Variants in ARHGEF39 observed in about 807,000 individuals in gnomAD.
The protein encoded by ARHGEF39 is Rho guanine nucleotide exchange factor 39.
ARHGEF39 carries 45 observed loss-of-function variants against 47.5 expected under a neutral mutation model. The observed-to-expected ratio is 0.95, with a 90% confidence interval of 0.75 to 1.22. ARHGEF39 has a LOEUF of 1.22. Among genes scored for constraint, ARHGEF39 ranks in the 50% most tolerant of loss-of-function variants. ARHGEF39 has a pLI of 0.00. For missense variants in ARHGEF39, 411 were observed against 425.3 expected (o/e 0.97, Z 0.30); for synonymous variants, 164 against 167.8 (o/e 0.98, Z 0.17).
In ARHGEF39 at chr9:35,661,446, A is replaced by C; in HGVS notation, c.*541T>G. On this transcript the variant is annotated 3_prime_UTR_variant, in exon 9 of 9. Coordinates refer to ENST00000378387, the MANE Select transcript of ARHGEF39 (RefSeq NM_032818.3). Reference sequence around the variant, plus strand: ...AGACAGAAGGGTCTTTCCCAAAAAAAAGAAAAAAAACTTTACTCAAATCCA... The same window carrying C: ...AGACAGAAGGGTCTTTCCCAAAAAACAGAAAAAAAACTTTACTCAAATCCA... 2.1e-6 allele frequency: 1 copy of C among 465,630 alleles called. No homozygotes were observed. Among genetic ancestry groups the C allele is most frequent in the East Asian group, 3.3e-5 (1 of 30,636 alleles). 28.8% of individuals were successfully genotyped at this position (465,630 alleles called of 1,614,324 possible).
chr9:35,664,807 G>A lies in ARHGEF39; in HGVS notation c.182C>T (p.Pro61Leu). Reference sequence around the variant, plus strand: ...GGAGCCAAACAGGGCCTGGCGCTCAGGTGGTCGCAGGGTCCCCTTGGCTTT... The same window carrying A: ...GGAGCCAAACAGGGCCTGGCGCTCAAGTGGTCGCAGGGTCCCCTTGGCTTT... ...ILKAKGTLRP[P>L]ERQALFGSWE... is the part of the protein sequence containing the mutation. The change falls in exon 2 of 9, where the codon CCT becomes CTT. Residue 61 changes from proline (P) to leucine (L), a missense_variant. Pro to Leu is a moderately conservative substitution (Grantham distance 98, BLOSUM62 -3). Coordinates refer to ENST00000378387, the MANE Select transcript of ARHGEF39 (RefSeq NM_032818.3). 1.9e-6 allele frequency: 3 copies of A among 1,612,122 alleles called. No homozygotes were observed. Among genetic ancestry groups the A allele is most frequent in the Non-Finnish European group, 2.5e-6 (3 of 1,180,016 alleles).
chr9:35,661,170 CAA>C lies in ARHGEF39; in HGVS notation c.*815_*816del, dbSNP rs1823924369. 1.2e-6 allele frequency: 2 copies of C among 1,600,988 alleles called. No homozygotes were observed. Among genetic ancestry groups the C allele is most frequent in the East Asian group, 2.2e-5 (1 of 44,720 alleles). On this transcript the variant is annotated 3_prime_UTR_variant, in exon 9 of 9. Coordinates refer to ENST00000378387, the MANE Select transcript of ARHGEF39 (RefSeq NM_032818.3). ...GACGACAGCTGAAGGTCGACTAAAACAAAGTCTGTTTTCATGATGGAGTGCTC... is the reference window on the plus strand; with the variant it reads ...GACGACAGCTGAAGGTCGACTAAAACAGTCTGTTTTCATGATGGAGTGCTC...
intron 4 of ARHGEF39, 102 bp downstream of exon 4, chr9:35,663,906 G>A: frequency 1.6e-6 from 2 of 1,263,250 alleles, no homozygotes; most frequent in South Asian, 1.2e-5. Flanking sequence ...GCTCAGGGTC[G>A]AGGCAAGAGT....
At position 35,661,246 on chromosome 9, in the gene ARHGEF39, C is replaced by T. The variant is rs35234337; in HGVS notation, c.*741G>A. ...TGGTTGTACACACCCATACTAGGTG[C>T]CTAAGGACAACTGGGCCTTCTTGAA... On this transcript the variant is annotated 3_prime_UTR_variant, in exon 9 of 9. Coordinates refer to ENST00000378387, the MANE Select transcript of ARHGEF39 (RefSeq NM_032818.3). 0.23 allele frequency: 292,873 copies of T among 1,266,844 alleles called. 36,049 individuals carry two copies. The highest frequency in any genetic ancestry group is 0.26 in the Middle Eastern group (1,278 of 4,992). 78.5% of individuals were successfully genotyped at this position (1,266,844 alleles called of 1,614,324 possible).
chr9:35,663,130 G>A, intron 5 of ARHGEF39, 56 bp from the exon 6 acceptor site: 2 of 1,606,808 alleles, frequency 1.2e-6, no homozygotes. Flanking sequence ...GGGTGCCATG[G>A]TTGTGAAAGA....
Position 35,663,016 on chromosome 9 carries a change from C to A in ARHGEF39, c.603G>T (p.Gln201His), listed in dbSNP as rs370873323. Residue 201 changes from glutamine to histidine, a missense_variant, in exon 6 of 9, where the codon CAG (glutamine) becomes CAT (histidine). By Grantham distance (24) the Gln-to-His change is conservative. Coordinates refer to ENST00000378387, the MANE Select transcript of ARHGEF39 (RefSeq NM_032818.3). ...CACGCCGAAGGTGCTGGTCATTCTT[C>A]TGTTTCTGACCAATAGTATGGACTC... ...AQRVHTIGQK[Q>H]KNDQHLRRVQ... 19 of 1,611,112 alleles carry A rather than the reference C, an allele frequency of 1.2e-5. No individual in the cohort carries two copies. Among genetic ancestry groups the A allele is most frequent in the Non-Finnish European group, 1.6e-5 (19 of 1,177,718 alleles).
Position 35,661,056 on chromosome 9 carries a change from A to G in ARHGEF39, c.*931T>C, listed in dbSNP as rs746904340. ...GAGCACAGAGACATGGAACCTAGCT[A>G]CTTCCTGGGAGGTGGGGCGGGGACT... On this transcript the variant is annotated 3_prime_UTR_variant, in exon 9 of 9. Transcript: ENST00000378387. The G allele has an allele frequency of 1.2e-6, 2 of 1,614,032 alleles. No homozygotes were observed. The highest frequency in any genetic ancestry group is 1.7e-6 in the Non-Finnish European group (2 of 1,180,024).
chr9:35,662,743 T>C lies in ARHGEF39; in HGVS notation c.674-2A>G, dbSNP rs1322019486. 2 of 1,555,218 alleles carry C rather than the reference T, an allele frequency of 1.3e-6. No individual in the cohort carries two copies. Among genetic ancestry groups the C allele is most frequent in the Non-Finnish European group, 1.7e-6 (2 of 1,149,310 alleles). ...AGCCCTGGCGTAGGAACCAGCGCCC[T>C]GGGGGATGGGAGCGCTGTTATTCTG... On this transcript the variant is annotated splice_acceptor_variant, in intron 6 of 8. Transcript: ENST00000378387. LOFTEE classifies it high-confidence loss of function.
rs538623171 is a variant in ARHGEF39 at position 35,664,820 on chromosome 9, T to C, written c.169A>G (p.Thr57Ala). 185 of 1,611,150 alleles carry C rather than the reference T, an allele frequency of 1.1e-4. 3 individuals carry two copies. In the South Asian group the frequency reaches 1.8e-3, roughly 16 times the overall value. The change falls in exon 2 of 9, where the codon ACC becomes GCC. Residue 57 changes from threonine to alanine, a missense_variant. Physicochemically the swap from Thr to Ala is moderately conservative, Grantham distance 58. Transcript: ENST00000378387. ...YFLGILKAKG[T>A]LRPPERQALF... The stretch of plus-strand genomic sequence containing the variant: ...GCCTGGCGCTCAGGTGGTCGCAGGG[T>C]CCCCTTGGCTTTCAGGATCCCCAAA...
rs1450131149 is a variant in ARHGEF39, at chr9:35,660,381, C to T, written c.*1606G>A. On this transcript the variant is annotated 3_prime_UTR_variant, in exon 9 of 9. Coordinates refer to ENST00000378387, the MANE Select transcript of ARHGEF39 (RefSeq NM_032818.3). ...AGAACCTTGTTGCTTCAGTACTGCC[C>T]TTTCCTTCTTCCACAACAGGGGAAA... 6.3e-7 allele frequency: 1 copy of T among 1,578,316 alleles called. No homozygotes were observed. Among genetic ancestry groups the T allele is most frequent in the Non-Finnish European group, 8.6e-7 (1 of 1,163,134 alleles).
chr9:35,662,474 G>A, intron 7 of ARHGEF39, 38 bp downstream of exon 7: 2 of 1,578,052 alleles, frequency 1.3e-6, no homozygotes. Context: ...AAGCATCTGA[G>A]ACATATTTTG....
chr9:35,664,652 A>C, intron 2 of ARHGEF39, 104 bp downstream of exon 2: 3 of 1,478,158 alleles, frequency 2.0e-6, no homozygotes, highest in Non-Finnish European at 2.7e-6. Context: ...CAGGTGAGCT[A>C]ACTGGCGGAC....
In ARHGEF39 at chr9:35,661,296, G is replaced by A. The variant is rs1823934671; in HGVS notation, c.*691C>T. Reference sequence around the variant, plus strand: ...AGAGCTGTCCTTATTAGGACAAAAAGAGGCTGCCTTCCAGTGTGACAGCAG... The same window carrying A: ...AGAGCTGTCCTTATTAGGACAAAAAAAGGCTGCCTTCCAGTGTGACAGCAG... On this transcript the variant is annotated 3_prime_UTR_variant, in exon 9 of 9. Transcript: ENST00000378387. 5.4e-6 allele frequency: 4 copies of A among 743,732 alleles called. No individual in the cohort carries two copies. In the East Asian group the frequency reaches 8.1e-5, roughly 15 times the overall value. 46.1% of individuals were successfully genotyped at this position (743,732 alleles called of 1,614,324 possible). A position where few individuals can be genotyped will look rare whatever the true frequency, so the allele number is the denominator to read the frequency against.
chr9:35,665,151 CG>C lies in ARHGEF39; in HGVS notation c.18del (p.Gly7ValfsTer25). 2 of 1,537,946 alleles carry C rather than the reference CG, an allele frequency of 1.3e-6. No homozygotes were observed. Among genetic ancestry groups the C allele is most frequent in the Admixed American group, 2.0e-5 (1 of 50,090 alleles). On this transcript the variant is annotated frameshift_variant, in exon 1 of 9. Coordinates refer to ENST00000378387, the MANE Select transcript of ARHGEF39 (RefSeq NM_032818.3). LOFTEE classifies it high-confidence loss of function. MELSC[P>X]GSRCPVQEQR... ...TGCTCTTGCACCGGGCACCGCGAAC[CG>C]GGGCAGGAGAGCTCCATGCCCTGGC...
chr9:35,662,411 A>G (rs1824000878), intron 7 of ARHGEF39, 101 bp downstream of exon 7: 10 of 1,398,994 alleles, frequency 7.1e-6, no homozygotes, highest in Non-Finnish European at 9.9e-6. Flanking sequence ...CTCAATGTAG[A>G]TGGCTCTGTT....
Position 35,662,413 on chromosome 9 carries a change from G to A in ARHGEF39, c.903+99C>T, listed in dbSNP as rs936369281. The A allele has an allele frequency of 3.6e-6, 5 of 1,393,014 alleles. No homozygotes were observed. The Admixed American group carries it at 6.2e-5, about 17-fold the overall frequency. 86.3% of individuals were successfully genotyped at this position (1,393,014 alleles called of 1,614,324 possible). A position where few individuals can be genotyped will look rare whatever the true frequency, so the allele number is the denominator to read the frequency against. On this transcript the variant is annotated intron_variant, in intron 7 of 8. Coordinates refer to ENST00000378387, the MANE Select transcript of ARHGEF39 (RefSeq NM_032818.3). ...CCAGCTATCCTCTCTCAATGTAGAT[G>A]GCTCTGTTCCTATGAAAAGGGACCC...
In ARHGEF39 at chr9:35,661,133, C is replaced by A; in HGVS notation, c.*854G>T. 5 of 1,612,632 alleles carry A rather than the reference C, an allele frequency of 3.1e-6. No individual in the cohort carries two copies. Among genetic ancestry groups the A allele is most frequent in the Non-Finnish European group, 4.2e-6 (5 of 1,178,904 alleles). Reference sequence around the variant, plus strand: ...CAAAGGGCCCCAGTCACAGCCTTGGCTGGGAAGGAGGGACGACAGCTGAAG... The same window carrying A: ...CAAAGGGCCCCAGTCACAGCCTTGGATGGGAAGGAGGGACGACAGCTGAAG... On this transcript the variant is annotated 3_prime_UTR_variant, in exon 9 of 9. Coordinates refer to ENST00000378387, the MANE Select transcript of ARHGEF39 (RefSeq NM_032818.3).
chr9:35,662,783 T>C, intron 6 of ARHGEF39, 42 bp from the exon 7 acceptor site: 1 of 1,532,246 alleles, frequency 6.5e-7, no homozygotes, highest in Non-Finnish European at 8.8e-7. Context: ...AGCTTCAAGA[T>C]ACATGGGAAT....
rs771004992 is a variant in ARHGEF39, at chr9:35,664,726, C to G, written c.233+30G>C. On this transcript the variant is annotated intron_variant, in intron 2 of 8. Transcript: ENST00000378387. ...CGGCCACAGGCCAGGACTCTCCCTC[C>G]TTTCCTCTCCCTGTGCCCCTTCCAC... 3.1e-6 allele frequency: 5 copies of G among 1,593,614 alleles called. No individual in the cohort carries two copies. In the East Asian group the frequency reaches 1.1e-4, roughly 36 times the overall value.
Sources: gnomAD v4.1 joint callset for allele counts on GRCh38, gnomAD v4.1.1 for gene constraint, MANE v1.5 for transcripts, NCBI Gene and HGNC (gene_info 2026-07-23, HGNC 2026-07-21) for gene names.